Variants in DNAJC1 observed in about 807,000 individuals in gnomAD.
DNAJC1 encodes the protein DnaJ heat shock protein family (Hsp40) member C1, also known as dnaJ homolog subfamily C member 1.
In DNAJC1, 58 loss-of-function variants were observed where a neutral mutation model predicts 76.6. The ratio of observed to expected loss-of-function variants is 0.76; its 90% CI spans 0.61 to 0.94. The LOEUF is 0.94. Ranked by LOEUF, DNAJC1 falls within the 40% of genes least tolerant of loss-of-function variation. The pLI, the probability that DNAJC1 is intolerant of heterozygous loss-of-function variation, is 0.00. For missense variants in DNAJC1, 689 were observed against 677.3 expected, an observed-to-expected ratio of 1.02 and a Z score of -0.19; for synonymous variants, 258 against 267.9, an observed-to-expected ratio of 0.96 and a Z score of 0.36.
At chr10:21,867,405 AAC>A (rs1836018449) in intron 8 of DNAJC1, among the ~76,000 whole-genome samples, 1 of 152,186 alleles carries the variant, frequency 6.6e-6, no homozygotes, top group Admixed American at 6.5e-5. Flanking sequence ...TTTACAGGCC[AAC>A]ACAATTTAAA....
intron 6 of DNAJC1, among the ~76,000 whole-genome samples, chr10:21,907,976 T>TTGGGGAAAAAAAAAAAGAAA (rs1836774248): frequency 7.6e-6 from 1 of 130,916 alleles, no homozygotes; most frequent in Admixed American, 9.6e-5. Context: ...AGACTCTGTC[T>TTGGGGAAAAAAAAAAAGAAA]GAAATATATG....
In DNAJC1 at chr10:22,003,563, C is replaced by T; in HGVS notation, c.-129G>A. On this transcript the variant is annotated 5_prime_UTR_variant, in exon 1 of 12. Transcript: ENST00000376980. ...GCGCGGGCAGGCGCACCGGAGCGGCCCGCCAGGTGGCTGGCCCCAGACAGA... is the reference window on the plus strand; with the variant it reads ...GCGCGGGCAGGCGCACCGGAGCGGCTCGCCAGGTGGCTGGCCCCAGACAGA... The T allele has an allele frequency of 8.7e-7, 1 of 1,150,218 alleles. No individual in the cohort carries two copies. Among genetic ancestry groups the T allele is most frequent in the Non-Finnish European group, 1.1e-6 (1 of 904,168 alleles). The allele number at this position is 1,150,218 out of a possible 1,614,324, so 71.3% of individuals were successfully genotyped here.
At chr10:21,779,013 G>A (rs1834490495) in intron 9 of DNAJC1, among the ~76,000 whole-genome samples, 2 of 152,220 alleles carry the variant, frequency 1.3e-5, no homozygotes, top group African/African-American at 2.4e-5. Flanking sequence ...ACAGCGGTCT[G>A]AGATCGAACT....
chr10:21,923,791 T>C (rs188566566), intron 3 of DNAJC1, among the ~76,000 whole-genome samples: 2 of 152,018 alleles, frequency 1.3e-5, no homozygotes, highest in African/African-American at 4.8e-5. Flanking sequence ...TAATCTGCAA[T>C]TCATCAAACA....
At chr10:21,806,137 G>T in intron 8 of DNAJC1, 38 bp from the exon 9 acceptor site, 1 of 1,553,286 alleles carries the variant, frequency 6.4e-7, no homozygotes, top group South Asian at 1.2e-5. Flanking sequence ...AGATAATTGG[G>T]AGAAAATAAA....
intron 1 of DNAJC1, among the ~76,000 whole-genome samples, chr10:22,000,937 T>C (rs991783396): frequency 2.0e-5 from 3 of 152,194 alleles, no homozygotes; most frequent in African/African-American, 7.2e-5. Flanking sequence ...GGCATTTTGC[T>C]ATGGCAGCCC....
intron 9 of DNAJC1, among the ~76,000 whole-genome samples, chr10:21,778,931 G>A (rs925704735): frequency 1.3e-5 from 2 of 152,206 alleles, no homozygotes; most frequent in Admixed American, 1.3e-4. Context: ...TTAGCAAACG[G>A]CACACCAGGA....
At chr10:21,886,759 A>T (rs1184635880) in intron 7 of DNAJC1, among the ~76,000 whole-genome samples, 2 of 152,092 alleles carry the variant, frequency 1.3e-5, no homozygotes, top group African/African-American at 4.8e-5. Context: ...AAAAGCTTTC[A>T]ATAAAATTCA....
At chr10:21,842,728 G>C (rs571311428) in intron 8 of DNAJC1, among the ~76,000 whole-genome samples, 1 of 152,184 alleles carries the variant, frequency 6.6e-6, no homozygotes, top group Non-Finnish European at 1.5e-5. Context: ...AGTACAGTTT[G>C]TGAGAAAATT....
At chr10:21,984,312 T>C (rs530702312) in intron 1 of DNAJC1, among the ~76,000 whole-genome samples, 21 of 152,170 alleles carry the variant, frequency 1.4e-4, no homozygotes, top group Non-Finnish European at 2.2e-4. Context: ...ACAAGAAGAA[T>C]AGAAGTAAAG....
chr10:21,936,446 G>A (rs926590855), intron 1 of DNAJC1, among the ~76,000 whole-genome samples: 4 of 152,074 alleles, frequency 2.6e-5, no homozygotes, highest in Admixed American at 1.3e-4. Context: ...TACTCTACAT[G>A]ATTTAAAAGA....
intron 7 of DNAJC1, among the ~76,000 whole-genome samples, chr10:21,885,239 C>CA (rs1240831651): frequency 6.6e-6 from 1 of 151,390 alleles, no homozygotes; most frequent in Non-Finnish European, 1.5e-5. Flanking sequence ...TTAAAAAACA[C>CA]AAAAAAAGGG....
chr10:21,876,414 A>C (rs1286954159), intron 8 of DNAJC1, among the ~76,000 whole-genome samples: 2 of 152,246 alleles, frequency 1.3e-5, no homozygotes, highest in Non-Finnish European at 2.9e-5. Flanking sequence ...GCCCAGCCTG[A>C]AAAAACTTTA....
intron 8 of DNAJC1, among the ~76,000 whole-genome samples, chr10:21,845,689 G>A (rs1351333769): frequency 6.6e-6 from 1 of 151,982 alleles, no homozygotes; most frequent in African/African-American, 2.4e-5. Context: ...GCACTTAGAA[G>A]TATAAAGTAT....
intron 7 of DNAJC1, among the ~76,000 whole-genome samples, chr10:21,897,365 G>GA (rs1331974940): frequency 2.6e-5 from 4 of 151,338 alleles, no homozygotes; most frequent in East Asian, 3.9e-4. Context: ...ATTGATAGAG[G>GA]AAAAAAAACA....
intron 8 of DNAJC1, among the ~76,000 whole-genome samples, chr10:21,821,766 CTTAAAA>C (rs1263793487): frequency 2.0e-5 from 3 of 150,830 alleles, no homozygotes. Flanking sequence ...ATTTATAGCT[CTTAAAA>C]TTAAATATGA....
At chr10:21,763,837 T>C (rs1374649373) in intron 10 of DNAJC1, among the ~76,000 whole-genome samples, 2 of 152,142 alleles carry the variant, frequency 1.3e-5, no homozygotes, top group African/African-American at 4.8e-5. Flanking sequence ...TGATGCCAAG[T>C]GACGAGGCCA....
chr10:21,838,119 A>G (rs1336382569), intron 8 of DNAJC1, among the ~76,000 whole-genome samples: 1 of 152,000 alleles, frequency 6.6e-6, no homozygotes, highest in Non-Finnish European at 1.5e-5. Context: ...CCCGTCTGGG[A>G]GGTGTACCCA....
chr10:21,771,343 T>C (rs1179558755), intron 9 of DNAJC1, among the ~76,000 whole-genome samples: 2 of 152,348 alleles, frequency 1.3e-5, no homozygotes, highest in Non-Finnish European at 2.9e-5. Flanking sequence ...AGAGCAGACA[T>C]CCTTGTTTTG....
Sources: gnomAD v4.1 joint callset for allele counts (sites outside exome capture counted in the v4.1 genomes callset) on GRCh38, gnomAD v4.1.1 for gene constraint, MANE v1.5 for transcripts, NCBI Gene and HGNC (gene_info 2026-07-23, HGNC 2026-07-21) for gene names.